The following FLI1 variants were observed in gnomAD, a reference collection of about 807,000 sequenced individuals.
The protein encoded by FLI1 is Friend leukemia integration 1 transcription factor.
A neutral mutation model predicts 53.1 loss-of-function variants in FLI1; 13 were observed. The ratio of observed to expected loss-of-function variants is 0.24; its 90% CI spans 0.16 to 0.39. The LOEUF (loss-of-function observed/expected upper bound fraction) is 0.39. FLI1 is among the 10% of genes least tolerant of loss of function. The pLI, the probability that FLI1 is intolerant of heterozygous loss-of-function variation, is 1.00. For missense variants in FLI1, 424 were observed against 600.5 expected, an observed-to-expected ratio of 0.71 and a Z score of 3.07; for synonymous variants, 244 against 236.7, an observed-to-expected ratio of 1.03 and a Z score of -0.28.
chr11:128,754,755 G>A (rs1191975267), intron 1 of FLI1, among the ~76,000 whole-genome samples: 1 of 152,244 alleles, frequency 6.6e-6, no homozygotes, highest in Non-Finnish European at 1.5e-5. Context: ...ACTGAATGAG[G>A]GAAGAGCATG....
At chr11:128,736,107 C>T (rs1939904174) in intron 1 of FLI1, among the ~76,000 whole-genome samples, 1 of 152,136 alleles carries the variant, frequency 6.6e-6, no homozygotes, top group Non-Finnish European at 1.5e-5. Context: ...CCCCTCACAC[C>T]CACTAAACAG....
chr11:128,798,894 CT>C (rs1942529879), intron 5 of FLI1, among the ~76,000 whole-genome samples: 6 of 152,130 alleles, frequency 3.9e-5, no homozygotes, highest in Admixed American at 3.9e-4. Context: ...ATGCCTGGGC[CT>C]AACAGCCAGG....
intron 5 of FLI1, among the ~76,000 whole-genome samples, chr11:128,788,535 C>T (rs181639098): frequency 6.6e-6 from 1 of 152,198 alleles, no homozygotes; most frequent in Admixed American, 6.5e-5. Context: ...AAATATAAAA[C>T]TGCATGTAAT....
At chr11:128,782,542 A>C (rs1941948543) in intron 5 of FLI1, among the ~76,000 whole-genome samples, 1 of 152,152 alleles carries the variant, frequency 6.6e-6, no homozygotes, top group South Asian at 2.1e-4. Context: ...GCTAAAAAAT[A>C]CAAAAATTAG....
Position 128,694,366 on chromosome 11 carries a change from G to A in FLI1, c.18+90G>A. ...TAGGTGCGGGGCCCGCGTCCCGGAA[G>A]ACGTGGCCTCTCTCCCTTCCCTCCG... On this transcript the variant is annotated intron_variant, in intron 1 of 8. Transcript: ENST00000527786. The A allele has an allele frequency of 2.8e-6, 3 of 1,054,794 alleles. No individual in the cohort carries two copies. The South Asian group carries it at 1.1e-4, about 40-fold the overall frequency. 65.3% of individuals were successfully genotyped at this position (1,054,794 alleles called of 1,614,324 possible).
chr11:128,722,129 G>A (rs536613434), intron 1 of FLI1, among the ~76,000 whole-genome samples: 4 of 152,162 alleles, frequency 2.6e-5, no homozygotes, highest in Non-Finnish European at 4.4e-5. Context: ...TCCTTTGAAC[G>A]TCCAGGAGGT....
At chr11:128,768,899 G>T (rs548268114) in intron 3 of FLI1, among the ~76,000 whole-genome samples, 1 of 152,150 alleles carries the variant, frequency 6.6e-6, no homozygotes, top group Non-Finnish European at 1.5e-5. Context: ...AAGGAATCCC[G>T]TGAGCTCTGG....
intron 2 of FLI1, chr11:128,764,763 G>C (rs1941264936): frequency 1.3e-6 from 2 of 1,589,998 alleles, no homozygotes; most frequent in Non-Finnish European, 1.7e-6. Context: ...CTGGCTGGAG[G>C]AGGCACGGTG....
chr11:128,795,382 G>A lies in FLI1; in HGVS notation c.656-9984G>A, dbSNP rs73575604. Among the ~76,000 whole-genome samples, 786 of 152,050 alleles carry A rather than the reference G, an allele frequency of 5.2e-3. 5 individuals are homozygous for A. The highest frequency in any genetic ancestry group is 0.018 in the African/African-American group (754 of 41,460). ...CTCCTGGCTCTTTTCTTCCAGCCCTGTATATATTCAGTAAATACCATTGAA... is the reference window on the plus strand; with the variant it reads ...CTCCTGGCTCTTTTCTTCCAGCCCTATATATATTCAGTAAATACCATTGAA... On this transcript the variant is annotated intron_variant, in intron 5 of 8. Transcript: ENST00000527786.
intron 4 of FLI1, among the ~76,000 whole-genome samples, chr11:128,777,020 T>C (rs1030970525): frequency 1.3e-5 from 2 of 152,208 alleles, no homozygotes; most frequent in African/African-American, 4.8e-5. Context: ...GCCAAACCTA[T>C]CACCACGCTA....
chr11:128,809,577 A>T (rs1942883588), intron 8 of FLI1, among the ~76,000 whole-genome samples: 1 of 152,240 alleles, frequency 6.6e-6, no homozygotes, highest in Non-Finnish European at 1.5e-5. Context: ...CAAGTTCATA[A>T]ATATTCCAAA....
rs1277840656 is a variant in FLI1 at position 128,694,152 on chromosome 11, A to G, written c.-107A>G. 4 of 1,267,438 alleles carry G rather than the reference A, an allele frequency of 3.2e-6. No individual in the cohort carries two copies. Among genetic ancestry groups the G allele is most frequent in the Non-Finnish European group, 4.2e-6 (4 of 942,254 alleles). The allele number at this position is 1,267,438 out of a possible 1,614,324, so 78.5% of individuals were successfully genotyped here. A position where few individuals can be genotyped will look rare whatever the true frequency, so the allele number is the denominator to read the frequency against. On this transcript the variant is annotated 5_prime_UTR_variant, in exon 1 of 9. Transcript: ENST00000527786. ...CGCAGGGGGCACGCAGGGAGGGCCC[A>G]GGGCGCCAGGGAGGCCGCGCCGGGC...
At chr11:128,793,434 G>T (rs1443027912) in intron 5 of FLI1, among the ~76,000 whole-genome samples, 1 of 152,086 alleles carries the variant, frequency 6.6e-6, no homozygotes, top group African/African-American at 2.4e-5. Flanking sequence ...GAACACTTGT[G>T]TTCTTAGAAT....
chr11:128,785,356 ATAT>A (rs893069308), intron 5 of FLI1, among the ~76,000 whole-genome samples: 2 of 151,784 alleles, frequency 1.3e-5, no homozygotes, highest in Non-Finnish European at 2.9e-5. Flanking sequence ...TTTGAAGTAG[ATAT>A]TATTATCTCT....
At chr11:128,782,121 TC>T (rs1941934662) in intron 5 of FLI1, 98 bp downstream of exon 5, 3 of 1,054,208 alleles carry the variant, frequency 2.8e-6, no homozygotes, top group African/African-American at 3.3e-5. Flanking sequence ...GCTTGCGTGT[TC>T]CACTCAACTT....
chr11:128,785,375 GCAGA>G (rs1186222947), intron 5 of FLI1, among the ~76,000 whole-genome samples: 2 of 151,488 alleles, frequency 1.3e-5, no homozygotes, highest in African/African-American at 4.9e-5. Flanking sequence ...TCTCTATTTT[GCAGA>G]CAAAGAAAGT....
At chr11:128,685,171 C>G (rs1865779216), upstream of FLI1, among the ~76,000 whole-genome samples, 1 of 152,356 alleles carries the variant, frequency 6.6e-6, no homozygotes, top group Non-Finnish European at 1.5e-5. Flanking sequence ...CCTGCAGCCC[C>G]CCAGGATGCG....
At position 128,759,579 on chromosome 11, in the gene FLI1, G is replaced by A. The variant is rs1472304686; in HGVS notation, c.230+1253G>A. 1.3e-5 allele frequency among the ~76,000 whole-genome samples: 2 copies of A among 152,250 alleles called. 1 individual carries two copies. Among genetic ancestry groups the A allele is most frequent in the Non-Finnish European group, 2.9e-5 (2 of 68,046 alleles). On this transcript the variant is annotated intron_variant, in intron 2 of 8. Coordinates refer to ENST00000527786, the MANE Select transcript of FLI1 (RefSeq NM_002017.5). ...GCAAAGAGATGATTAACAGGGCTTA[G>A]GTGAGTAAAGTGTGAATGAAGGGGG... is the stretch of plus-strand genomic sequence containing the variant.
At position 128,772,944 on chromosome 11, in the gene FLI1, A is replaced by C; in HGVS notation, c.548A>C (p.Asn183Thr). ...TTCCTCCGCGCCACCACCCTCTACA[A>C]CACGGAAGTGCTGTTGTCACACCTC... ...EDFLRATTLY[N>T]TEVLLSHLSY... Residue 183 changes from asparagine to threonine, a missense_variant, in exon 4 of 9, where the codon AAC becomes ACC. By Grantham distance (65) the Asn-to-Thr change is moderately conservative. This residue lies in a region of FLI1 where 114 missense variants were observed against 117.9 expected (regional missense o/e 0.97). Coordinates refer to ENST00000527786, the MANE Select transcript of FLI1 (RefSeq NM_002017.5). The C allele has an allele frequency of 6.2e-7, 1 of 1,613,962 alleles. No individual in the cohort carries two copies. Among genetic ancestry groups the C allele is most frequent in the Non-Finnish European group, 8.5e-7 (1 of 1,179,864 alleles).
Sources: gnomAD v4.1 joint callset for allele counts (sites outside exome capture counted in the v4.1 genomes callset) on GRCh38, gnomAD v4.1.1 for gene constraint, gnomAD v4.1.1 regional missense constraint, MANE v1.5 for transcripts, NCBI Gene and HGNC (gene_info 2026-07-23, HGNC 2026-07-21) for gene names.